The following GALNT13 variants were observed in gnomAD, a reference collection of about 807,000 sequenced individuals.
GALNT13 encodes UDP-GalNAc:polypeptide N-acetylgalactosaminyltransferase 13.
A neutral mutation model predicts 64.2 loss-of-function variants in GALNT13; 28 were observed. The observed-to-expected ratio is 0.44, with a 90% confidence interval of 0.32 to 0.60. The LOEUF is 0.60. GALNT13 is among the 20% of genes least tolerant of loss of function. The probability of loss-of-function intolerance (pLI) is 0.05; values close to 1 mark genes in which losing one functional copy is unlikely to be tolerated. For missense variants in GALNT13, 577 were observed against 669.8 expected (o/e 0.86, Z 1.53); for synonymous variants, 214 against 224.6 (o/e 0.95, Z 0.42).
the GALNT13 span, among the ~76,000 whole-genome samples, chr2:153,295,422 T>C: frequency 6.6e-6 from 1 of 152,010 alleles, no homozygotes; most frequent in Non-Finnish European, 1.5e-5. Flanking sequence ...AATTGGCACC[T>C]TGGATTAATA....
At chr2:154,333,690 A>T (rs1212700900) in intron 9 of GALNT13, among the ~76,000 whole-genome samples, 1 of 152,100 alleles carries the variant, frequency 6.6e-6, no homozygotes, top group Admixed American at 6.6e-5. Context: ...ATGTTTCAAA[A>T]TATCAGTTGG....
At chr2:154,264,522 A>T (rs1160820897) in intron 8 of GALNT13, among the ~76,000 whole-genome samples, 1 of 151,736 alleles carries the variant, frequency 6.6e-6, no homozygotes, top group Non-Finnish European at 1.5e-5. Flanking sequence ...CTGTAATCCC[A>T]GCAACTCGAG....
the GALNT13 span, among the ~76,000 whole-genome samples, chr2:153,393,653 G>T: frequency 6.6e-6 from 1 of 151,372 alleles, no homozygotes; most frequent in African/African-American, 2.4e-5. Context: ...TTCTGTGAAC[G>T]TATTTTCCAG....
chr2:153,394,754 G>A, the GALNT13 span, among the ~76,000 whole-genome samples: 35 of 152,196 alleles, frequency 2.3e-4, no homozygotes, highest in East Asian at 4.4e-3. Context: ...AAATAATAGT[G>A]TATATTAATG....
the GALNT13 span, among the ~76,000 whole-genome samples, chr2:153,496,258 G>A: frequency 1.3e-5 from 2 of 152,102 alleles, no homozygotes; most frequent in African/African-American, 2.4e-5. Flanking sequence ...TATCCTAATA[G>A]AATGGTTTCT....
chr2:153,321,205 G>C, the GALNT13 span, among the ~76,000 whole-genome samples: 3 of 152,158 alleles, frequency 2.0e-5, no homozygotes, highest in Admixed American at 6.5e-5. Context: ...AAAACTATTT[G>C]TCAAATGTCA....
the GALNT13 span, among the ~76,000 whole-genome samples, chr2:153,542,595 GA>G: frequency 1.1e-3 from 165 of 152,240 alleles, no homozygotes; most frequent in Non-Finnish European, 6.0e-4. Flanking sequence ...AGGCCAGGGT[GA>G]TCAGACATCA....
At chr2:153,106,207 G>GTT in the GALNT13 span, among the ~76,000 whole-genome samples, 1 of 152,060 alleles carries the variant, frequency 6.6e-6, no homozygotes, top group Non-Finnish European at 1.5e-5. Context: ...AAATGCAAGG[G>GTT]GAAAGTTCAT....
chr2:153,647,479 A>T, the GALNT13 span, among the ~76,000 whole-genome samples: 5 of 152,054 alleles, frequency 3.3e-5, no homozygotes, highest in Non-Finnish European at 7.4e-5. Flanking sequence ...ATTAGATCCC[A>T]TTTGTCAATT....
chr2:153,402,620 C>T, the GALNT13 span, among the ~76,000 whole-genome samples: 8 of 152,038 alleles, frequency 5.3e-5, no homozygotes, highest in Admixed American at 2.0e-4. Flanking sequence ...GGAGGCTTTT[C>T]TCATTTCTTT....
At chr2:153,678,047 A>G in the GALNT13 span, among the ~76,000 whole-genome samples, 1 of 141,666 alleles carries the variant, frequency 7.1e-6, no homozygotes, top group Non-Finnish European at 1.5e-5. Flanking sequence ...ATTAAGCTAA[A>G]GATATTCTGC....
intron 4 of GALNT13, among the ~76,000 whole-genome samples, chr2:154,189,840 A>G (rs1686474017): frequency 6.6e-6 from 1 of 152,210 alleles, no homozygotes; most frequent in Admixed American, 6.5e-5. Flanking sequence ...GATCTACATT[A>G]GTAAAAATAG....
the GALNT13 span, among the ~76,000 whole-genome samples, chr2:153,816,953 A>G: frequency 6.6e-6 from 1 of 152,184 alleles, no homozygotes; most frequent in Admixed American, 6.5e-5. Context: ...TTGGAATGGT[A>G]TTGGGCCCCA....
chr2:154,397,239 T>A (rs1699097220), intron 10 of GALNT13, among the ~76,000 whole-genome samples: 1 of 151,794 alleles, frequency 6.6e-6, no homozygotes, highest in African/African-American at 2.4e-5. Context: ...ATCGACACCA[T>A]CCTGGCTAAC....
At chr2:154,033,782 A>G (rs993171148) in intron 3 of GALNT13, among the ~76,000 whole-genome samples, 5 of 152,138 alleles carry the variant, frequency 3.3e-5, no homozygotes, top group African/African-American at 1.2e-4. Flanking sequence ...TACTAAAAAT[A>G]CAAAAAATTA....
At chr2:153,349,244 C>T in the GALNT13 span, among the ~76,000 whole-genome samples, 3 of 151,862 alleles carry the variant, frequency 2.0e-5, no homozygotes, top group South Asian at 4.1e-4. Flanking sequence ...CTCTGTGAAC[C>T]GTGCATTTTC....
chr2:153,618,856 T>C, the GALNT13 span, among the ~76,000 whole-genome samples: 1 of 152,024 alleles, frequency 6.6e-6, no homozygotes, highest in Non-Finnish European at 1.5e-5. Context: ...CTTTTTGGGT[T>C]TCAATTGGCA....
chr2:153,585,285 T>C, the GALNT13 span, among the ~76,000 whole-genome samples: 1 of 151,768 alleles, frequency 6.6e-6, no homozygotes, highest in Non-Finnish European at 1.5e-5. Flanking sequence ...GAAATACAAA[T>C]ACATTTTAAA....
chr2:153,331,503 G>A, the GALNT13 span, among the ~76,000 whole-genome samples: 1 of 152,104 alleles, frequency 6.6e-6, no homozygotes, highest in African/African-American at 2.4e-5. Context: ...TGCAGGCTGA[G>A]GAGCAAGGAG....
Sources: allele counts gnomAD v4.1 joint callset (sites outside exome capture counted in the v4.1 genomes callset), GRCh38; gene constraint gnomAD v4.1.1; transcripts MANE v1.5; gene names NCBI Gene and HGNC (gene_info 2026-07-23, HGNC 2026-07-21).